OPCML: variants seen among roughly 807,000 people sequenced by gnomAD.
OPCML encodes the protein opioid binding protein/cell adhesion molecule like, also known as opioid-binding protein/cell adhesion molecule.
OPCML carries 13 observed loss-of-function variants against 37.8 expected under a neutral mutation model. The ratio of observed to expected loss-of-function variants is 0.34; its 90% CI spans 0.22 to 0.55. OPCML has a LOEUF of 0.55. OPCML is among the 20% of genes least tolerant of loss of function. OPCML has a pLI of 0.91. For synonymous variants in OPCML, 176 were observed against 168.8 expected, an observed-to-expected ratio of 1.04 and a Z score of -0.33; for missense variants, 341 against 435.6, an observed-to-expected ratio of 0.78 and a Z score of 1.93.
rs532742163 is a variant in OPCML, at chr11:133,080,082, G to A, written c.62-137072C>T. 2.0e-5 allele frequency among the ~76,000 whole-genome samples: 3 copies of A among 152,290 alleles called. No homozygotes were observed. The South Asian group carries it at 6.2e-4, about 32-fold the overall frequency. On this transcript the variant is annotated intron_variant, in intron 1 of 7. Coordinates refer to ENST00000524381, the MANE Select transcript of OPCML (RefSeq NM_001012393.5). ...GAGAAGAAAACTCCTTATGGTCTATGAATAGGGTCCCCACTCACCCTACCC... is the reference window on the plus strand; with the variant it reads ...GAGAAGAAAACTCCTTATGGTCTATAAATAGGGTCCCCACTCACCCTACCC...
intron 2 of OPCML, among the ~76,000 whole-genome samples, chr11:132,679,286 G>T (rs576308932): frequency 6.6e-6 from 1 of 151,994 alleles, no homozygotes; most frequent in African/African-American, 2.4e-5. Context: ...ACACAAAAAC[G>T]TATACACAAA....
rs1950341162 is a variant in OPCML, at chr11:133,174,655, A to G, written c.62-231645T>C. On this transcript the variant is annotated intron_variant, in intron 1 of 7. Transcript: ENST00000524381. The surrounding 1 kb of genome is among the most constrained non-coding windows in gnomAD (Gnocchi z 4.6). Reference sequence around the variant, plus strand: ...CTGTTTAGTGAAAAAAAAAAAAAAAAAAAGCAGGGGGAAGTTAAACACCTG... The same window carrying G: ...CTGTTTAGTGAAAAAAAAAAAAAAAGAAAGCAGGGGGAAGTTAAACACCTG... 1.3e-5 allele frequency among the ~76,000 whole-genome samples: 2 copies of G among 151,912 alleles called. No homozygotes were observed. The highest frequency in any genetic ancestry group is 2.1e-4 in the South Asian group (1 of 4,820).
At chr11:132,478,454 A>G (rs1049694625) in intron 4 of OPCML, among the ~76,000 whole-genome samples, 3 of 152,234 alleles carry the variant, frequency 2.0e-5, no homozygotes, top group Non-Finnish European at 4.4e-5. Context: ...GTGAAGAGAC[A>G]GATAACGGGA....
intron 2 of OPCML, among the ~76,000 whole-genome samples, chr11:132,658,590 C>A (rs1034417227): frequency 2.0e-5 from 3 of 152,232 alleles, no homozygotes; most frequent in Non-Finnish European, 4.4e-5. Context: ...GCAATACCAG[C>A]TTCCGGTCAC....
chr11:133,045,505 A>T (rs1033863685), intron 1 of OPCML, among the ~76,000 whole-genome samples: 1 of 152,194 alleles, frequency 6.6e-6, no homozygotes, highest in African/African-American at 2.4e-5. Flanking sequence ...GTGATGTAGC[A>T]CCGTCATTGG....
chr11:132,834,136 C>T (rs943677826), intron 2 of OPCML, among the ~76,000 whole-genome samples: 1 of 152,052 alleles, frequency 6.6e-6, no homozygotes, highest in Non-Finnish European at 1.5e-5. Context: ...GATTATAATC[C>T]ATTTAAAAAG....
chr11:133,457,721 A>C (rs75219792), intron 1 of OPCML, among the ~76,000 whole-genome samples: 12,314 of 152,160 alleles, frequency 0.081, 1,588 homozygotes, highest in African/African-American at 0.28. Context: ...TTATTCAAAA[A>C]TGGGAAACAA....
chr11:132,653,504 AG>A (rs1941542243), intron 3 of OPCML, among the ~76,000 whole-genome samples: 1 of 152,284 alleles, frequency 6.6e-6, no homozygotes, highest in African/African-American at 2.4e-5. Flanking sequence ...CTCCACACTG[AG>A]GTGTGCAGCC....
rs574750672 is a variant in OPCML at position 133,286,441 on chromosome 11, G to A, written c.61+245823C>T. 7.5e-5 allele frequency among the ~76,000 whole-genome samples: 8 copies of A among 106,040 alleles called. 1 individual carries two copies. The South Asian group carries it at 2.7e-3, about 36-fold the overall frequency. The allele number at this position is 106,040 out of a possible 152,430, so 69.6% of individuals were successfully genotyped here. A position where few individuals can be genotyped will look rare whatever the true frequency, so the allele number is the denominator to read the frequency against. ...GCCGAGATCGCGCCACTGCACTCCA[G>A]CCTGGCGACAGAGCGAGACTGTGTC... On this transcript the variant is annotated intron_variant, in intron 1 of 7. Transcript: ENST00000524381.
intron 2 of OPCML, among the ~76,000 whole-genome samples, chr11:132,750,440 C>A (rs1050823112): frequency 2.7e-4 from 41 of 152,184 alleles, no homozygotes; most frequent in African/African-American, 6.7e-4. Flanking sequence ...TCTATACAAA[C>A]CAAGGTGGCT....
At chr11:133,164,154 G>T (rs1950179459) in intron 1 of OPCML, among the ~76,000 whole-genome samples, 1 of 152,220 alleles carries the variant, frequency 6.6e-6, no homozygotes, top group Non-Finnish European at 1.5e-5. Context: ...TCGGATCAGA[G>T]CAGCCACAGT....
chr11:133,375,538 A>G (rs1467798642), intron 1 of OPCML, among the ~76,000 whole-genome samples: 6 of 152,172 alleles, frequency 3.9e-5, no homozygotes, highest in African/African-American at 1.2e-4. Context: ...GTTAGATCCA[A>G]AAGATAGTGT....
chr11:133,444,558 T>C (rs951112918), intron 1 of OPCML, among the ~76,000 whole-genome samples: 3 of 152,270 alleles, frequency 2.0e-5, no homozygotes, highest in South Asian at 2.1e-4. Context: ...AAATAATTTC[T>C]AGGGTTATCT....
At chr11:133,498,999 C>T (rs1383537669) in intron 1 of OPCML, among the ~76,000 whole-genome samples, 2 of 152,296 alleles carry the variant, frequency 1.3e-5, no homozygotes, top group Non-Finnish European at 2.9e-5. Flanking sequence ...CCTACATGTT[C>T]AAGTCCACAA....
intron 1 of OPCML, among the ~76,000 whole-genome samples, chr11:133,325,643 T>C (rs1027930435): frequency 1.3e-5 from 2 of 152,138 alleles, no homozygotes; most frequent in Admixed American, 1.3e-4. Flanking sequence ...ATGATGACGT[T>C]TTAAGATGTC....
intron 1 of OPCML, among the ~76,000 whole-genome samples, chr11:133,141,420 C>G (rs1949822364): frequency 6.6e-6 from 1 of 152,100 alleles, no homozygotes; most frequent in Admixed American, 6.6e-5. Flanking sequence ...ACAAAATAGT[C>G]TTCATCTTTT....
At position 133,081,263 on chromosome 11, in the gene OPCML, G is replaced by A. The variant is rs554916071; in HGVS notation, c.62-138253C>T. On this transcript the variant is annotated intron_variant, in intron 1 of 7. Coordinates refer to ENST00000524381, the MANE Select transcript of OPCML (RefSeq NM_001012393.5). The stretch of plus-strand genomic sequence containing the variant: ...GGGCTCTTTGAACAGTTAATTCTCC[G>A]TTTCCTTTGGGATGTCAGCCCCGTT... 5.1e-4 allele frequency among the ~76,000 whole-genome samples: 77 copies of A among 152,098 alleles called. 1 individual carries two copies. The highest frequency in any genetic ancestry group is 1.7e-3 in the African/African-American group (71 of 41,492).
chr11:133,515,758 G>A (rs1948255698), intron 1 of OPCML, among the ~76,000 whole-genome samples: 1 of 151,746 alleles, frequency 6.6e-6, no homozygotes, highest in Admixed American at 6.6e-5. Context: ...GAAATTTGGG[G>A]AAACATGTCA....
At chr11:132,540,450 C>A (rs527826995) in intron 3 of OPCML, among the ~76,000 whole-genome samples, 1 of 152,120 alleles carries the variant, frequency 6.6e-6, no homozygotes, top group Non-Finnish European at 1.5e-5. Flanking sequence ...GTGGGGCAGC[C>A]AGCAAATTGG....
Sources: gnomAD v4.1 joint callset for allele counts (sites outside exome capture counted in the v4.1 genomes callset) on GRCh38, gnomAD v4.1.1 for gene constraint, Gnocchi (gnomAD v3.1) non-coding constraint, MANE v1.5 for transcripts, NCBI Gene and HGNC (gene_info 2026-07-23, HGNC 2026-07-21) for gene names.